XRN1: variants seen among roughly 807,000 people sequenced by gnomAD.
XRN1 encodes the protein 5'-3' exoribonuclease 1.
In XRN1, 67 loss-of-function variants were observed where a neutral mutation model predicts 222.3. That is an observed-to-expected ratio of 0.30 (90% CI 0.25 to 0.37). The LOEUF is 0.37. Among genes scored for constraint, XRN1 ranks in the 10% least tolerant of loss-of-function variants. The pLI is 1.00. For synonymous variants in XRN1, 643 were observed against 652.4 expected (o/e 0.99, Z 0.22); for missense variants, 1,707 against 2,000.2 (o/e 0.85, Z 2.80).
At position 142,329,445 on chromosome 3, in the gene XRN1, TAAGA is replaced by T; in HGVS notation, c.4389_4392del (p.Phe1463LeufsTer7). 6.4e-7 allele frequency: 1 copy of T among 1,574,656 alleles called. No homozygotes were observed. Among genetic ancestry groups the T allele is most frequent in the Non-Finnish European group, 8.6e-7 (1 of 1,166,302 alleles). On this transcript the variant is annotated frameshift_variant, in exon 37 of 41. Coordinates refer to ENST00000392981, the MANE Select transcript of XRN1 (RefSeq NM_001282857.2). LOFTEE classifies it high-confidence loss of function. ...GTAGTATACTATACCTGTGGCATCCTAAGAAAGGAGAAATCAGGTTGTGGCATTC... is the reference window on the plus strand; with the variant it reads ...GTAGTATACTATACCTGTGGCATCCTAAGGAGAAATCAGGTTGTGGCATTC...
intron 31 of XRN1, among the ~76,000 whole-genome samples, chr3:142,355,996 T>C (rs1274928722): frequency 6.6e-6 from 1 of 152,208 alleles, no homozygotes; most frequent in Non-Finnish European, 1.5e-5. Flanking sequence ...AAGTATTCTA[T>C]GAGAGTGAAA....
At position 142,414,306 on chromosome 3, in the gene XRN1, T is replaced by G; in HGVS notation, c.1437-15A>C. On this transcript the variant is annotated splice_polypyrimidine_tract_variant and intron_variant, in intron 13 of 40. Coordinates refer to ENST00000392981, the MANE Select transcript of XRN1 (RefSeq NM_001282857.2). ...AAGGATAATACCTATAAAACAAAACTGAGTTTTAAACAAGTGGCATCTTTA... is the reference window on the plus strand; with the variant it reads ...AAGGATAATACCTATAAAACAAAACGGAGTTTTAAACAAGTGGCATCTTTA... The G allele has an allele frequency of 1.3e-6, 2 of 1,537,108 alleles. No homozygotes were observed. Among genetic ancestry groups the G allele is most frequent in the South Asian group, 1.3e-5 (1 of 77,586 alleles).
intron 15 of XRN1, 113 bp from the exon 16 acceptor site, chr3:142,405,189 AC>A: frequency 2.0e-6 from 2 of 1,007,418 alleles, no homozygotes; most frequent in Non-Finnish European, 2.9e-6. Flanking sequence ...CTCTTGAAAA[AC>A]AAAAAACCAA....
chr3:142,328,935 C>A (rs2065613069), intron 37 of XRN1, among the ~76,000 whole-genome samples: 2 of 150,126 alleles, frequency 1.3e-5, no homozygotes, highest in South Asian at 2.1e-4. Flanking sequence ...TTTTTATATT[C>A]TTTTGTAGAG....
Position 142,400,849 on chromosome 3 carries a change from G to A in XRN1, c.2104-302C>T, listed in dbSNP as rs144392311. ...GCAGAATCGCTTGAACCCAGGAGGCGGAGGTTGCAGTGAGGTGAGATTGCA... is the reference window on the plus strand; with the variant it reads ...GCAGAATCGCTTGAACCCAGGAGGCAGAGGTTGCAGTGAGGTGAGATTGCA... On this transcript the variant is annotated intron_variant, in intron 18 of 40. Coordinates refer to ENST00000392981, the MANE Select transcript of XRN1 (RefSeq NM_001282857.2). 9.3e-3 allele frequency among the ~76,000 whole-genome samples: 1,420 copies of A among 152,182 alleles called. 9 individuals carry two copies. The highest frequency in any genetic ancestry group is 0.018 in the South Asian group (89 of 4,818).
At chr3:142,374,612 A>C in intron 25 of XRN1, among the ~76,000 whole-genome samples, 1 of 152,228 alleles carries the variant, frequency 6.6e-6, no homozygotes, top group Admixed American at 6.5e-5. Context: ...GGGAATCCAG[A>C]GTGGTGGAAG....
At position 142,392,265 on chromosome 3, in the gene XRN1, T is replaced by C. The variant is rs189321556; in HGVS notation, c.2339+5064A>G. Among the ~76,000 whole-genome samples the C allele has an allele frequency of 2.8e-3, 424 of 152,138 alleles. 6 individuals are homozygous for C. Among genetic ancestry groups the C allele is most frequent in the African/African-American group, 9.7e-3 (403 of 41,504 alleles). On this transcript the variant is annotated intron_variant, in intron 20 of 40. Transcript: ENST00000392981. ...TGTATGATCTACCCACCACTGTAAC[T>C]CATTTTCATAATCTCTTTATCTCCA... is the stretch of plus-strand genomic sequence containing the variant.
intron 1 of XRN1, among the ~76,000 whole-genome samples, chr3:142,445,897 CT>C (rs2070477516): frequency 6.6e-6 from 1 of 152,192 alleles, no homozygotes; most frequent in South Asian, 2.1e-4. Context: ...CCAGCACAGT[CT>C]TTTAGTGGAT....
Position 142,426,818 on chromosome 3 carries a change from T to C in XRN1, c.332A>G (p.Lys111Arg), listed in dbSNP as rs773119432. ...RFRSAKEAED[K>R]IKKAIEKGET... ...TCCCTTCTCTATTGCCTTTTTAATT[T>C]TGTCTTCTGCCTCCTTTGCTGACCT... Residue 111 changes from lysine (K) to arginine (R), a missense_variant, in exon 3 of 41, where the codon AAA becomes AGA. This residue lies in a region of XRN1 where 1,234 missense variants were observed against 1,518.2 expected (regional missense o/e 0.81). Transcript: ENST00000392981. 6.2e-7 allele frequency: 1 copy of C among 1,613,772 alleles called. No individual in the cohort carries two copies. Among genetic ancestry groups the C allele is most frequent in the South Asian group, 1.1e-5 (1 of 91,072 alleles).
At position 142,311,704 on chromosome 3, in the gene XRN1, T is replaced by C. The variant is rs779368421; in HGVS notation, c.4892A>G (p.Lys1631Arg). The C allele has an allele frequency of 9.9e-6, 16 of 1,614,170 alleles. No homozygotes were observed. In the Admixed American group the frequency reaches 2.5e-4, roughly 25 times the overall value. The change falls in exon 41 of 41, where the codon AAA becomes AGA. Residue 1631 changes from lysine to arginine, a missense_variant. By Grantham distance (26) the Lys-to-Arg change is conservative. Transcript: ENST00000392981. ...TGATGAGCTCTCCCGTGGACTTACT[T>C]TGACAATGTTGGAAGAATCTGGCTG... ...TSQPDSSNIV[K>R]VSPRESSSAS...
chr3:142,389,022 C>T (rs371316952), intron 20 of XRN1, among the ~76,000 whole-genome samples: 1 of 152,198 alleles, frequency 6.6e-6, no homozygotes, highest in Non-Finnish European at 1.5e-5. Flanking sequence ...TGAGACCAAC[C>T]TGGCCAAAAT....
intron 32 of XRN1, among the ~76,000 whole-genome samples, chr3:142,351,346 G>A (rs2066300032): frequency 6.6e-6 from 1 of 152,184 alleles, no homozygotes; most frequent in Non-Finnish European, 1.5e-5. Context: ...GTGAAGAATG[G>A]ATGACAAGGA....
chr3:142,370,768 C>T, intron 26 of XRN1, 148 bp from the exon 27 acceptor site: 1 of 588,910 alleles, frequency 1.7e-6, no homozygotes, highest in South Asian at 4.0e-5. Flanking sequence ...GGACATGTTA[C>T]CTCTTAGTAA....
intron 1 of XRN1, among the ~76,000 whole-genome samples, chr3:142,435,689 G>A (rs146147180): frequency 0.011 from 1,668 of 150,630 alleles, 35 homozygotes; most frequent in African/African-American, 0.039. Flanking sequence ...CCTGGGAGGT[G>A]GAGGTTCCAG....
chr3:142,432,884 A>G lies in XRN1; in HGVS notation c.85T>C (p.Phe29Leu). The change falls in exon 2 of 41, where the codon TTT becomes CTT. Residue 29 changes from phenylalanine (F) to leucine (L), a missense_variant. Physicochemically the swap from Phe to Leu is conservative, Grantham distance 22. Coordinates refer to ENST00000392981, the MANE Select transcript of XRN1 (RefSeq NM_001282857.2). ...EVVKEHQIPEFDNLYLDMNGI... is the reference protein window; with the variant it reads ...EVVKEHQIPELDNLYLDMNGI... ...TTCATATCCAGGTACAAGTTGTCAA[A>G]TTCAGGAATCTGAAAAACAAAGAAA... 1.2e-6 allele frequency: 2 copies of G among 1,603,150 alleles called. No individual in the cohort carries two copies. The highest frequency in any genetic ancestry group is 1.7e-6 in the Non-Finnish European group (2 of 1,173,362).
Position 142,384,564 on chromosome 3 carries a change from A to G in XRN1, c.2461T>C (p.Ser821Pro). The G allele has an allele frequency of 6.2e-7, 1 of 1,612,486 alleles. No homozygotes were observed. The highest frequency in any genetic ancestry group is 8.5e-7 in the Non-Finnish European group (1 of 1,179,480). Residue 821 changes from serine (S) to proline (P), a missense_variant, in exon 21 of 41, where the codon TCA becomes CCA. Transcript: ENST00000392981. The part of the protein sequence containing the change: ...NGEVRLEKQW[S>P]KQVVPFVYQT... The stretch of plus-strand genomic sequence containing the variant: ...TAAACAAAAGGAACAACTTGTTTTG[A>G]CCACTGTTTCTCTAGACGAACTTCA...
chr3:142,431,895 A>G lies in XRN1; in HGVS notation c.308+766T>C, dbSNP rs183036399. On this transcript the variant is annotated intron_variant, in intron 2 of 40. Coordinates refer to ENST00000392981, the MANE Select transcript of XRN1 (RefSeq NM_001282857.2). Reference sequence around the variant, plus strand: ...TTATATTATATATATTATATATAATATATATATTATATATATAAATATATA... The same window carrying G: ...TTATATTATATATATTATATATAATGTATATATTATATATATAAATATATA... 2.8e-3 allele frequency among the ~76,000 whole-genome samples: 91 copies of G among 32,416 alleles called. 1 individual carries two copies. The highest frequency in any genetic ancestry group is 0.015 in the African/African-American group (90 of 6,160). 21.3% of individuals were successfully genotyped at this position (32,416 alleles called of 152,430 possible).
chr3:142,306,690 A>G lies in XRN1; in HGVS notation c.*4821T>C, dbSNP rs1295746896. 6.6e-6 allele frequency: 1 copy of G among 152,572 alleles called. No homozygotes were observed. Among genetic ancestry groups the G allele is most frequent in the African/African-American group, 2.4e-5 (1 of 41,476 alleles). The allele number at this position is 152,572 out of a possible 1,614,324, so 9.5% of individuals were successfully genotyped here. On this transcript the variant is annotated 3_prime_UTR_variant, in exon 41 of 41. Coordinates refer to ENST00000392981, the MANE Select transcript of XRN1 (RefSeq NM_001282857.2). ...TGTTTAAACTCTTTCAGTGACTCTC[A>G]TATTTTAAAATCCTTTGCACAGCAT...
chr3:142,314,532 A>G (rs2065155666), intron 39 of XRN1, among the ~76,000 whole-genome samples: 2 of 152,156 alleles, frequency 1.3e-5, no homozygotes, highest in South Asian at 4.1e-4. Context: ...GTCAAATTAG[A>G]TTTTATAAGT....
Sources: allele counts gnomAD v4.1 joint callset (sites outside exome capture counted in the v4.1 genomes callset), GRCh38; gene constraint gnomAD v4.1.1; regional missense constraint gnomAD v4.1.1; transcripts MANE v1.5; gene names NCBI Gene and HGNC (gene_info 2026-07-23, HGNC 2026-07-21).